The following HS6ST3 variants were observed in gnomAD, a reference collection of about 807,000 sequenced individuals.
HS6ST3 encodes the protein heparan-sulfate 6-O-sulfotransferase 3.
In HS6ST3, 12 loss-of-function variants were observed where a neutral mutation model predicts 36.7. The ratio of observed to expected loss-of-function variants is 0.33; its 90% confidence interval spans 0.21 to 0.53. The LOEUF is 0.53. Among genes scored for constraint, HS6ST3 ranks in the 20% least tolerant of loss-of-function variants. The pLI is 0.95. For synonymous variants in HS6ST3, 240 were observed against 257.5 expected (o/e 0.93, Z 0.65); for missense variants, 584 against 640.9 (o/e 0.91, Z 0.96).
intron 1 of HS6ST3, among the ~76,000 whole-genome samples, chr13:96,735,884 T>C (rs1876271362): frequency 1.3e-5 from 2 of 152,020 alleles, no homozygotes; most frequent in South Asian, 4.1e-4. Flanking sequence ...TACTATGCAG[T>C]CATAAAAAAG....
In HS6ST3 at chr13:96,765,646, C is replaced by T. The variant is rs984094780; in HGVS notation, c.708-66844C>T. Among the ~76,000 whole-genome samples the T allele has an allele frequency of 5.9e-5, 9 of 152,020 alleles. No individual in the cohort carries two copies. In the South Asian group the frequency reaches 1.0e-3, roughly 18 times the overall value. On this transcript the variant is annotated intron_variant, in intron 1 of 1. Transcript: ENST00000376705. ...TCTCTCTCTGTTTCTGTCTCTGTCT[C>T]TCTCCATCCAACATAGTGTACCTCT...
At chr13:96,548,538 T>A (rs553290929) in intron 1 of HS6ST3, among the ~76,000 whole-genome samples, 1 of 152,340 alleles carries the variant, frequency 6.6e-6, no homozygotes, top group African/African-American at 2.4e-5. Context: ...ACAGAACTAA[T>A]AGGAGGTATG....
At chr13:96,239,865 AG>A (rs2054552010) in intron 1 of HS6ST3, among the ~76,000 whole-genome samples, 3 of 152,158 alleles carry the variant, frequency 2.0e-5, no homozygotes. Context: ...TACTGGTAAA[AG>A]CTACAGTCAG....
rs1020080788 is a variant in HS6ST3, at chr13:96,178,857, G to A, written c.707+87288G>A. Among the ~76,000 whole-genome samples the A allele has an allele frequency of 1.4e-4, 21 of 152,248 alleles. 1 individual carries two copies. The highest frequency in any genetic ancestry group is 4.8e-4 in the African/African-American group (20 of 41,558). Reference sequence around the variant, plus strand: ...CATATCTGATGAAATTAAAATGAAAGCTGGATCTTTCATTTAGATTACTGA... The same window carrying A: ...CATATCTGATGAAATTAAAATGAAAACTGGATCTTTCATTTAGATTACTGA... On this transcript the variant is annotated intron_variant, in intron 1 of 1. Transcript: ENST00000376705.
rs764874647 is a variant in HS6ST3 at position 96,366,716 on chromosome 13, G to A, written c.707+275147G>A. 5.4e-4 allele frequency among the ~76,000 whole-genome samples: 82 copies of A among 152,134 alleles called. 1 individual carries two copies. Among genetic ancestry groups the A allele is most frequent in the Non-Finnish European group, 5.9e-5 (4 of 68,000 alleles). On this transcript the variant is annotated intron_variant, in intron 1 of 1. Coordinates refer to ENST00000376705, the MANE Select transcript of HS6ST3 (RefSeq NM_153456.4). ...TTCTGGTGGGGGTAGCCCAAGAACC[G>A]TTGCTTAAAAAAAGAAATTTCTTGA...
chr13:96,482,461 T>C (rs1271322875), intron 1 of HS6ST3, among the ~76,000 whole-genome samples: 4 of 152,022 alleles, frequency 2.6e-5, no homozygotes, highest in Non-Finnish European at 5.9e-5. Context: ...TTTTTCTTTT[T>C]TTTTTTTTTC....
At chr13:96,390,330 A>G (rs2055389464) in intron 1 of HS6ST3, among the ~76,000 whole-genome samples, 1 of 152,184 alleles carries the variant, frequency 6.6e-6, no homozygotes, top group African/African-American at 2.4e-5. Context: ...ATTCATATGT[A>G]GAAATCTAAT....
intron 1 of HS6ST3, among the ~76,000 whole-genome samples, chr13:96,797,587 G>T (rs1191841262): frequency 6.6e-6 from 1 of 152,054 alleles, no homozygotes. Context: ...ACATTGACTG[G>T]AAATCTATTT....
chr13:96,373,441 G>A (rs1187830937), intron 1 of HS6ST3, among the ~76,000 whole-genome samples: 1 of 152,108 alleles, frequency 6.6e-6, no homozygotes. Flanking sequence ...ATGATGTTCT[G>A]AAAAAGGATT....
At chr13:96,572,370 G>A (rs1187365944) in intron 1 of HS6ST3, among the ~76,000 whole-genome samples, 1 of 152,084 alleles carries the variant, frequency 6.6e-6, no homozygotes, top group Non-Finnish European at 1.5e-5. Flanking sequence ...GAAAAGTTTG[G>A]CATGCCAAGT....
At chr13:96,822,875 G>A (rs992003026) in intron 1 of HS6ST3, among the ~76,000 whole-genome samples, 16 of 152,312 alleles carry the variant, frequency 1.1e-4, no homozygotes, top group Admixed American at 3.3e-4. Flanking sequence ...CTGCAGTGCT[G>A]ATGAGTGGGA....
chr13:96,376,659 G>A (rs1360893593), intron 1 of HS6ST3, among the ~76,000 whole-genome samples: 2 of 152,138 alleles, frequency 1.3e-5, no homozygotes, highest in African/African-American at 2.4e-5. Context: ...AAGTTACTTA[G>A]TCTTTATGAA....
chr13:96,252,216 C>T (rs1366862698), intron 1 of HS6ST3, among the ~76,000 whole-genome samples: 2 of 152,164 alleles, frequency 1.3e-5, no homozygotes, highest in East Asian at 3.8e-4. Flanking sequence ...AGGTTGGGTA[C>T]ATGTATATTT....
chr13:96,481,679 C>A (rs151155664), intron 1 of HS6ST3, among the ~76,000 whole-genome samples: 3 of 152,208 alleles, frequency 2.0e-5, no homozygotes, highest in Non-Finnish European at 4.4e-5. Flanking sequence ...CTCTCCAGCT[C>A]AGGGACTTTG....
intron 1 of HS6ST3, among the ~76,000 whole-genome samples, chr13:96,241,769 T>C (rs2054561290): frequency 6.6e-6 from 1 of 150,680 alleles, no homozygotes; most frequent in Non-Finnish European, 1.5e-5. Context: ...AATGATGTAA[T>C]ATTTTCTTTT....
chr13:96,756,869 C>A (rs771314942), intron 1 of HS6ST3, among the ~76,000 whole-genome samples: 5 of 152,158 alleles, frequency 3.3e-5, no homozygotes, highest in Non-Finnish European at 7.4e-5. Context: ...ACATTGTATT[C>A]GTTTTCTATG....
At position 96,101,276 on chromosome 13, in the gene HS6ST3, C is replaced by T. The variant is rs115748013; in HGVS notation, c.707+9707C>T. Among the ~76,000 whole-genome samples, 1,411 of 152,132 alleles carry T rather than the reference C, an allele frequency of 9.3e-3. 27 individuals carry two copies. The highest frequency in any genetic ancestry group is 0.032 in the African/African-American group (1,347 of 41,492). ...ATTTACGAGATGAGACCCTTTCTGCCGCTTAGATTTTCTTCCAAGAGCATT... is the reference window on the plus strand; with the variant it reads ...ATTTACGAGATGAGACCCTTTCTGCTGCTTAGATTTTCTTCCAAGAGCATT... On this transcript the variant is annotated intron_variant, in intron 1 of 1. Coordinates refer to ENST00000376705, the MANE Select transcript of HS6ST3 (RefSeq NM_153456.4).
chr13:96,157,990 C>T (rs1283364801), intron 1 of HS6ST3, among the ~76,000 whole-genome samples: 8 of 152,040 alleles, frequency 5.3e-5, no homozygotes, highest in South Asian at 4.2e-4. Context: ...CCGTGGGTGC[C>T]GGGATGGTAA....
chr13:96,478,425 A>G (rs995957250), intron 1 of HS6ST3, among the ~76,000 whole-genome samples: 8 of 152,192 alleles, frequency 5.3e-5, no homozygotes, highest in Non-Finnish European at 1.0e-4. Context: ...CTTAATGTAC[A>G]TAGTGAAATA....
Sources: gnomAD v4.1 joint callset for allele counts (sites outside exome capture counted in the v4.1 genomes callset) on GRCh38, gnomAD v4.1.1 for gene constraint, MANE v1.5 for transcripts, NCBI Gene and HGNC (gene_info 2026-07-23, HGNC 2026-07-21) for gene names.